The following UTRN variants were observed in gnomAD, a reference collection of about 807,000 sequenced individuals.
UTRN encodes the protein dystrophin-related protein 1.
A neutral mutation model predicts 463.9 loss-of-function variants in UTRN; 283 were observed. The observed-to-expected ratio is 0.61, with a 90% CI of 0.55 to 0.67. UTRN has a LOEUF of 0.67. UTRN is among the 30% of genes least tolerant of loss of function. The pLI, the probability that UTRN is intolerant of heterozygous loss-of-function variation, is 0.00. For missense variants in UTRN, 3,922 were observed against 4,084.3 expected (o/e 0.96, Z 1.08); for synonymous variants, 1,442 against 1,431.5 (o/e 1.01, Z -0.17).
Position 144,510,939 on chromosome 6 carries a change from T to C in UTRN, c.4765-5T>C. 1 of 1,556,032 alleles carries C rather than the reference T, an allele frequency of 6.4e-7. No individual in the cohort carries two copies. Among genetic ancestry groups the C allele is most frequent in the South Asian group, 1.2e-5 (1 of 84,004 alleles). On this transcript the variant is annotated splice_polypyrimidine_tract_variant and splice_region_variant and intron_variant, in intron 34 of 74. Coordinates refer to ENST00000367545, the MANE Select transcript of UTRN (RefSeq NM_007124.3). ...CAAGTAGGTCTTGGTGTTTTTATTT[T>C]CTAGAATGTTCTGAAGGATCTGGAA...
chr6:144,715,701 C>CCG (rs1554350667), intron 53 of UTRN, among the ~76,000 whole-genome samples: 1 of 143,214 alleles, frequency 7.0e-6, no homozygotes, highest in African/African-American at 2.7e-5. Context: ...CTTCCCCCCC[C>CCG]ACCCTTTTCT....
At chr6:144,676,356 A>G (rs1781587662) in intron 51 of UTRN, among the ~76,000 whole-genome samples, 1 of 152,162 alleles carries the variant, frequency 6.6e-6, no homozygotes, top group Admixed American at 6.6e-5. Flanking sequence ...TTAGGTTGAT[A>G]AATTTAAGAA....
intron 50 of UTRN, among the ~76,000 whole-genome samples, chr6:144,574,319 A>G (rs1006965629): frequency 6.6e-6 from 1 of 152,158 alleles, no homozygotes; most frequent in Non-Finnish European, 1.5e-5. Context: ...ATATAAACAG[A>G]ATGTTAGTAT....
intron 50 of UTRN, among the ~76,000 whole-genome samples, chr6:144,576,827 G>A (rs1393274161): frequency 6.6e-6 from 1 of 152,124 alleles, no homozygotes; most frequent in African/African-American, 2.4e-5. Flanking sequence ...ACAATTATGA[G>A]CTGTAAAATG....
intron 52 of UTRN, among the ~76,000 whole-genome samples, chr6:144,687,326 A>G (rs1266019151): frequency 1.3e-5 from 2 of 152,130 alleles, no homozygotes; most frequent in Admixed American, 1.3e-4. Flanking sequence ...CACCTAACGC[A>G]TAAGGATTCT....
At chr6:144,316,101 A>G (rs929807312) in intron 2 of UTRN, among the ~76,000 whole-genome samples, 2 of 152,158 alleles carry the variant, frequency 1.3e-5, no homozygotes, top group African/African-American at 4.8e-5. Flanking sequence ...CTGTAACCCC[A>G]CACTCTGGGA....
At chr6:144,436,178 G>A (rs1786517080) in intron 10 of UTRN, 40 bp downstream of exon 10, 6 of 1,582,152 alleles carry the variant, frequency 3.8e-6, no homozygotes, top group Admixed American at 1.7e-5. Context: ...TGTCCCCCAC[G>A]GGACCTGAGC....
intron 52 of UTRN, among the ~76,000 whole-genome samples, chr6:144,699,071 T>C (rs1220319669): frequency 2.0e-5 from 3 of 152,232 alleles, no homozygotes; most frequent in Non-Finnish European, 2.9e-5. Context: ...TTGCTATTGT[T>C]CTGCTTTTTG....
chr6:144,433,861 G>C (rs1340857465), intron 9 of UTRN, among the ~76,000 whole-genome samples: 2 of 150,754 alleles, frequency 1.3e-5, no homozygotes, highest in Non-Finnish European at 3.0e-5. Flanking sequence ...TTTCCAGACT[G>C]GGCAGCCAGG....
intron 2 of UTRN, among the ~76,000 whole-genome samples, chr6:144,385,771 C>T (rs955718878): frequency 5.3e-5 from 8 of 150,630 alleles, no homozygotes; most frequent in Admixed American, 1.3e-4. Flanking sequence ...TGCAGAGGTG[C>T]GATCTCGGCT....
At chr6:144,667,400 GTCAAACCACA>G (rs1780539234) in intron 51 of UTRN, among the ~76,000 whole-genome samples, 1 of 152,078 alleles carries the variant, frequency 6.6e-6, no homozygotes, top group South Asian at 2.1e-4. Context: ...AATCAAATAG[GTCAAACCACA>G]TCAGGATGTT....
At chr6:144,816,683 T>G (rs1013176756) in intron 65 of UTRN, among the ~76,000 whole-genome samples, 6 of 151,922 alleles carry the variant, frequency 3.9e-5, no homozygotes, top group African/African-American at 1.4e-4. Flanking sequence ...TTTAAATCTT[T>G]TTTAAGTAGC....
At chr6:144,598,129 T>C (rs1803845975) in intron 51 of UTRN, among the ~76,000 whole-genome samples, 1 of 152,210 alleles carries the variant, frequency 6.6e-6, no homozygotes, top group Non-Finnish European at 1.5e-5. Flanking sequence ...AAGCCAAATA[T>C]GAGTGACCAT....
At position 144,490,169 on chromosome 6, in the gene UTRN, C is replaced by T; in HGVS notation, c.4233C>T (p.Ala1411=). 6.2e-7 allele frequency: 1 copy of T among 1,612,990 alleles called. No individual in the cohort carries two copies. The highest frequency in any genetic ancestry group is 1.1e-5 in the South Asian group (1 of 90,970). The change falls in exon 31 of 75, where the codon GCC becomes GCT. Residue 1411 remains alanine, a synonymous_variant. Coordinates refer to ENST00000367545, the MANE Select transcript of UTRN (RefSeq NM_007124.3). ...TGACCTCCCCAGAGAGTAGGACTGC[C>T]AGAGGAGGAAGTCAGATGGATGTGC... The part of the protein sequence containing the change: ...QPLTSPESRT[A]RGGSQMDVLQ...
chr6:144,475,769 C>G (rs1791129785), intron 25 of UTRN, among the ~76,000 whole-genome samples: 1 of 152,048 alleles, frequency 6.6e-6, no homozygotes, highest in South Asian at 2.1e-4. Context: ...ACCACTATGC[C>G]TAGATAATTT....
At chr6:144,609,246 A>G (rs1805215842) in intron 51 of UTRN, among the ~76,000 whole-genome samples, 1 of 152,206 alleles carries the variant, frequency 6.6e-6, no homozygotes, top group African/African-American at 2.4e-5. Flanking sequence ...AAGGGGTGAA[A>G]AAAGATATTT....
chr6:144,355,437 G>A (rs9496941), intron 2 of UTRN, among the ~76,000 whole-genome samples: 9,663 of 152,128 alleles, frequency 0.064, 1,040 homozygotes, highest in African/African-American at 0.22. Context: ...GGGCTCAAGT[G>A]ATATACCTGC....
intron 34 of UTRN, among the ~76,000 whole-genome samples, chr6:144,504,309 C>G (rs1794505484): frequency 6.6e-6 from 1 of 152,194 alleles, no homozygotes; most frequent in African/African-American, 2.4e-5. Flanking sequence ...GCATCCTTGT[C>G]TTGTGCCAGT....
chr6:144,686,358 A>G (rs1157149042), intron 52 of UTRN, among the ~76,000 whole-genome samples: 1 of 152,122 alleles, frequency 6.6e-6, no homozygotes, highest in African/African-American at 2.4e-5. Flanking sequence ...AGGATTGTAT[A>G]TTCTTCAGTT....
Sources: allele counts gnomAD v4.1 joint callset (sites outside exome capture counted in the v4.1 genomes callset), GRCh38; gene constraint gnomAD v4.1.1; transcripts MANE v1.5; gene names NCBI Gene and HGNC (gene_info 2026-07-23, HGNC 2026-07-21).